Variants in OTULINL observed in about 807,000 individuals in gnomAD.
OTULINL encodes inactive ubiquitin thioesterase OTULINL.
OTULINL carries 42 observed loss-of-function variants against 43.9 expected under a neutral mutation model. The ratio of observed to expected loss-of-function variants is 0.96; its 90% CI spans 0.75 to 1.24. OTULINL has a LOEUF of 1.24. Among genes scored for constraint, OTULINL ranks in the 50% most tolerant of loss-of-function variants. The pLI, the probability that OTULINL is intolerant of heterozygous loss-of-function variation, is 0.00. For missense variants in OTULINL, 411 were observed against 426.4 expected (o/e 0.96, Z 0.32); for synonymous variants, 172 against 153.6 (o/e 1.12, Z -0.88).
Position 14,601,227 on chromosome 5 carries a change from T to A in OTULINL, c.239T>A (p.Leu80Gln), listed in dbSNP as rs764236257. 1.9e-6 allele frequency: 3 copies of A among 1,612,770 alleles called. No homozygotes were observed. The highest frequency in any genetic ancestry group is 2.7e-5 in the African/African-American group (2 of 74,868). Residue 80 changes from leucine (L) to glutamine (Q), a missense_variant, in exon 3 of 8, where the codon CTG (leucine) becomes CAG (glutamine). Leu to Gln is a moderately radical substitution (Grantham distance 113, BLOSUM62 -2). Transcript: ENST00000274217. ...GHKLKWWIGY[L>Q]QRKFKRNLSV... ...TTATCTTTCAGGTGGATTGGATATC[T>A]GCAGAGAAAATTCAAAAGTAAATAT...
intron 1 of OTULINL, among the ~76,000 whole-genome samples, chr5:14,590,296 C>G (rs539392903): frequency 6.6e-6 from 1 of 152,104 alleles, no homozygotes; most frequent in Non-Finnish European, 1.5e-5. Flanking sequence ...AAAAAGATAC[C>G]TGGGCCCCAG....
At chr5:14,595,749 T>C (rs1286974257) in intron 1 of OTULINL, among the ~76,000 whole-genome samples, 2 of 151,236 alleles carry the variant, frequency 1.3e-5, no homozygotes, top group African/African-American at 4.9e-5. Context: ...ATATTCACTT[T>C]GTTGATTTCA....
intron 5 of OTULINL, among the ~76,000 whole-genome samples, chr5:14,606,422 A>G (rs1759476691): frequency 6.6e-6 from 1 of 152,212 alleles, no homozygotes; most frequent in Non-Finnish European, 1.5e-5. Context: ...AAAAAAGAAA[A>G]CAAAACAAAA....
chr5:14,601,057 T>C lies in OTULINL; in HGVS notation c.157T>C (p.Ser53Pro), dbSNP rs770779731. 1 of 1,613,752 alleles carries C rather than the reference T, an allele frequency of 6.2e-7. No individual in the cohort carries two copies. Among genetic ancestry groups the C allele is most frequent in the Admixed American group, 1.7e-5 (1 of 59,988 alleles). ...AAAAGGCTTTGTGATGTTGGCAGTT[T>C]CATTTCTGGTGGCTGCCATCTGCTA... ...MAKGFVMLAV[S>P]FLVAAICYFR... The change falls in exon 2 of 8, where the codon TCA becomes CCA. Residue 53 changes from serine (S) to proline (P), a missense_variant. Coordinates refer to ENST00000274217, the MANE Select transcript of OTULINL (RefSeq NM_019018.3).
At chr5:14,601,326 G>T in intron 3 of OTULINL, 25 bp from the exon 4 acceptor site, 2 of 1,612,502 alleles carry the variant, frequency 1.2e-6, no homozygotes, top group Non-Finnish European at 1.7e-6. Context: ...AGAATTAACA[G>T]CTTTTTATTT....
chr5:14,603,668 T>A (rs1488576376), intron 5 of OTULINL, among the ~76,000 whole-genome samples: 1 of 151,784 alleles, frequency 6.6e-6, no homozygotes, highest in Admixed American at 6.6e-5. Flanking sequence ...TTTTTTATGT[T>A]TTTTTTTAAA....
chr5:14,600,287 G>T (rs1243351071), intron 1 of OTULINL, among the ~76,000 whole-genome samples: 2 of 152,198 alleles, frequency 1.3e-5, no homozygotes, highest in African/African-American at 2.4e-5. Context: ...TGCCATGATT[G>T]TAAGTTTCCT....
chr5:14,602,341 TC>T lies in OTULINL; in HGVS notation c.498+14del, dbSNP rs767327303. On this transcript the variant is annotated intron_variant, in intron 5 of 7. Transcript: ENST00000274217. ...AAAAGGACATTGTTAAGGTATGTCT[TC>T]CCCCTGGAAATGTGGGAAATGTCAT... The T allele has an allele frequency of 6.2e-6, 10 of 1,609,268 alleles. No homozygotes were observed. The East Asian group carries it at 8.9e-5, about 14-fold the overall frequency.
chr5:14,614,201 G>GCA lies in OTULINL; in HGVS notation c.*3887_*3888insCA, dbSNP rs143552463. 2.0e-5 allele frequency among the ~76,000 whole-genome samples: 3 copies of GCA among 151,718 alleles called. No individual in the cohort carries two copies. The highest frequency in any genetic ancestry group is 1.3e-4 in the Admixed American group (2 of 15,228). On this transcript the variant is annotated 3_prime_UTR_variant, in exon 8 of 8. Coordinates refer to ENST00000274217, the MANE Select transcript of OTULINL (RefSeq NM_019018.3). Reference sequence around the variant, plus strand: ...CAGTTAATGTGTAAAACAGAAAAAAGTATATATATATCATATGTCTTTTCA... The same window carrying GCA: ...CAGTTAATGTGTAAAACAGAAAAAAGCATATATATATATCATATGTCTTTTCA...
intron 1 of OTULINL, among the ~76,000 whole-genome samples, chr5:14,596,132 T>A (rs1759283338): frequency 2.0e-5 from 3 of 152,188 alleles, no homozygotes; most frequent in South Asian, 4.1e-4. Context: ...GAAGTCCCCT[T>A]GTGGACTTTC....
intron 1 of OTULINL, among the ~76,000 whole-genome samples, chr5:14,595,125 C>T (rs1011087926): frequency 2.0e-4 from 30 of 152,146 alleles, no homozygotes; most frequent in African/African-American, 7.2e-4. Context: ...GCCTTTATGT[C>T]CTCCCAGCTC....
chr5:14,591,412 T>A (rs1759199372), intron 1 of OTULINL, among the ~76,000 whole-genome samples: 1 of 152,208 alleles, frequency 6.6e-6, no homozygotes. Flanking sequence ...AACTCCATCC[T>A]AAAGTTCTAG....
At chr5:14,587,980 C>T (rs1216678805) in intron 1 of OTULINL, among the ~76,000 whole-genome samples, 2 of 152,126 alleles carry the variant, frequency 1.3e-5, no homozygotes, top group African/African-American at 4.8e-5. Context: ...CCATGGAGGC[C>T]CTTGTGGAAA....
intron 5 of OTULINL, among the ~76,000 whole-genome samples, chr5:14,602,582 C>G (rs1208680214): frequency 6.6e-6 from 1 of 152,120 alleles, no homozygotes; most frequent in Non-Finnish European, 1.5e-5. Context: ...ACCACAGGTG[C>G]ATGCCACCAC....
intron 1 of OTULINL, among the ~76,000 whole-genome samples, chr5:14,597,739 A>C (rs1579921173): frequency 6.6e-6 from 1 of 152,138 alleles, no homozygotes. Context: ...CCAACAGAGT[A>C]CCCTTCCATC....
chr5:14,611,016 T>G lies in OTULINL; in HGVS notation c.*702T>G, dbSNP rs1242297430. 6.6e-6 allele frequency: 1 copy of G among 152,188 alleles called. No individual in the cohort carries two copies. The allele number at this position is 152,188 out of a possible 1,614,324, so 9.4% of individuals were successfully genotyped here. A position where few individuals can be genotyped will look rare whatever the true frequency, so the allele number is the denominator to read the frequency against. ...GCCAGCTTAATAGTTTTATTTAGAT[T>G]TTTTAAAATTCTGTAGATTAAAGCA... On this transcript the variant is annotated 3_prime_UTR_variant, in exon 8 of 8. Transcript: ENST00000274217.
chr5:14,582,625 C>G (rs1035505233), intron 1 of OTULINL, among the ~76,000 whole-genome samples: 1 of 151,968 alleles, frequency 6.6e-6, no homozygotes, highest in Non-Finnish European at 1.5e-5. Flanking sequence ...GAAACCCTGG[C>G]CAGCATAGTG....
chr5:14,609,322 A>G (rs1323693440), intron 7 of OTULINL, among the ~76,000 whole-genome samples: 1 of 152,230 alleles, frequency 6.6e-6, no homozygotes, highest in Admixed American at 6.5e-5. Context: ...GAAAAAGTCC[A>G]GGTGGAAAAT....
At chr5:14,600,861 T>C (rs780843933) in intron 1 of OTULINL, 104 bp from the exon 2 acceptor site, 13 of 992,114 alleles carry the variant, frequency 1.3e-5, no homozygotes, top group African/African-American at 1.7e-5. Flanking sequence ...ATAGATACTT[T>C]GCAGGTAAAA....
Sources: allele counts gnomAD v4.1 joint callset (sites outside exome capture counted in the v4.1 genomes callset), GRCh38; gene constraint gnomAD v4.1.1; transcripts MANE v1.5; gene names NCBI Gene and HGNC (gene_info 2026-07-23, HGNC 2026-07-21).